The following DNASE1 variants were observed in gnomAD, a reference collection of about 807,000 sequenced individuals.
DNASE1 encodes deoxyribonuclease 1.
Under a neutral mutation model 33.9 loss-of-function variants are expected in DNASE1, and 40 were observed. That is an observed-to-expected ratio of 1.18 (90% CI 0.92 to 1.54). The LOEUF (loss-of-function observed/expected upper bound fraction) is 1.54, where lower values mean the gene tolerates loss of function less well. Ranked by LOEUF, DNASE1 falls within the 40% of genes most tolerant of loss-of-function variation. The probability of loss-of-function intolerance (pLI) is 0.00; values close to 1 mark genes in which losing one functional copy is unlikely to be tolerated. For missense variants in DNASE1, 518 were observed against 372.6 expected, an observed-to-expected ratio of 1.39 and a Z score of -3.21; for synonymous variants, 216 against 160.0, an observed-to-expected ratio of 1.35 and a Z score of -2.64.
intron 1 of DNASE1, among the ~76,000 whole-genome samples, chr16:3,623,464 A>G (rs531816428): frequency 6.6e-6 from 1 of 152,362 alleles, no homozygotes; most frequent in African/African-American, 2.4e-5. Flanking sequence ...ATGCAACAAG[A>G]AGAAAAATAG....
intron 1 of DNASE1, among the ~76,000 whole-genome samples, chr16:3,620,427 CCTGATCATAG>C (rs1372607779): frequency 7.9e-5 from 12 of 151,474 alleles, no homozygotes; most frequent in Non-Finnish European, 1.2e-4. Context: ...TGCAGCGTGG[CCTGATCATAG>C]CTCACTGTAA....
At chr16:3,621,373 T>G (rs991370729) in intron 1 of DNASE1, among the ~76,000 whole-genome samples, 3 of 152,196 alleles carry the variant, frequency 2.0e-5, no homozygotes, top group Non-Finnish European at 4.4e-5. Flanking sequence ...GAGCCATTGC[T>G]CTTGCCTGGT....
exon 10 of DNASE1, chr16:3,663,641 G>C (rs376961996): frequency 1.9e-6 from 3 of 1,582,176 alleles, no homozygotes; most frequent in Non-Finnish European, 2.6e-6. Context: ...GGCGGCAGGA[G>C]GGCTGGGGGA....
chr16:3,650,069 G>C (rs1437769167), upstream of DNASE1, among the ~76,000 whole-genome samples: 1 of 152,162 alleles, frequency 6.6e-6, no homozygotes, highest in Non-Finnish European at 1.5e-5. Context: ...GTTCCTACAA[G>C]TTTTGTTTAT....
Position 3,629,817 on chromosome 16 carries a change from TG to T in DNASE1, c.-1358-10897del, listed in dbSNP as rs562221290. ...TAGTCTTGGTAGGGGTTTTTTAATT[TG>T]TTTTTTTGTTTTTAAAACAGAGTCT... On this transcript the variant is annotated intron_variant and NMD_transcript_variant, in intron 1 of 11. Transcript: ENST00000570769. Among the ~76,000 whole-genome samples the T allele has an allele frequency of 2.1e-3, 316 of 152,276 alleles. 1 individual carries two copies. Among genetic ancestry groups the T allele is most frequent in the African/African-American group, 7.3e-3 (305 of 41,568 alleles).
At chr16:3,623,359 A>T (rs988114961) in intron 1 of DNASE1, among the ~76,000 whole-genome samples, 1 of 152,204 alleles carries the variant, frequency 6.6e-6, no homozygotes, top group African/African-American at 2.4e-5. Flanking sequence ...TAAACATAAG[A>T]CCTGAAACTC....
At chr16:3,642,329 G>A (rs374646154), upstream of DNASE1, among the ~76,000 whole-genome samples, 1 of 152,188 alleles carries the variant, frequency 6.6e-6, no homozygotes, top group South Asian at 2.1e-4. Flanking sequence ...TGTGTCACCC[G>A]TAGTTACTCC....
rs1444882250 is a variant in DNASE1 at position 3,654,942 on chromosome 16, CT to C, written c.-96del. The C allele has an allele frequency of 6.5e-6, 3 of 461,804 alleles. No individual in the cohort carries two copies. The highest frequency in any genetic ancestry group is 3.2e-5 in the East Asian group (1 of 30,846). 28.6% of individuals were successfully genotyped at this position (461,804 alleles called of 1,614,324 possible). A position where few individuals can be genotyped will look rare whatever the true frequency, so the allele number is the denominator to read the frequency against. ...TTCAGAGACCTTTCTTCATAGACTA[CT>C]TTTTTTTCTTTAAGCAGCAAAAGGA... On this transcript the variant is annotated 5_prime_UTR_variant, in exon 1 of 9. Transcript: ENST00000246949.
chr16:3,655,102 C>T lies in DNASE1; in HGVS notation c.-2+58C>T. The T allele has an allele frequency of 3.4e-6, 2 of 595,794 alleles. 1 individual carries two copies. The highest frequency in any genetic ancestry group is 4.1e-5 in the South Asian group (2 of 49,188). 36.9% of individuals were successfully genotyped at this position (595,794 alleles called of 1,614,324 possible). A position where few individuals can be genotyped will look rare whatever the true frequency, so the allele number is the denominator to read the frequency against. ...GGCCGGTTTGGAGCAGGGAGGGAGG[C>T]TTAGAGTCTCATCCTCCAGCAGCGA... On this transcript the variant is annotated intron_variant, in intron 1 of 8. Coordinates refer to ENST00000246949, the MANE Select transcript of DNASE1 (RefSeq NM_005223.4).
upstream of DNASE1, chr16:3,652,702 T>C (rs941309585): frequency 2.0e-5 from 3 of 152,442 alleles, no homozygotes; most frequent in Admixed American, 1.3e-4. Flanking sequence ...GCCAGTCTTG[T>C]GGAGGGTGGT....
chr16:3,643,537 A>C (rs916068945), intron 1 of DNASE1, among the ~76,000 whole-genome samples: 2 of 152,166 alleles, frequency 1.3e-5, no homozygotes, highest in Non-Finnish European at 2.9e-5. Context: ...ACTGCTGCCC[A>C]CCACGGAGCG....
At chr16:3,649,875 T>G (rs908062392), upstream of DNASE1, among the ~76,000 whole-genome samples, 2 of 151,856 alleles carry the variant, frequency 1.3e-5, no homozygotes, top group African/African-American at 4.8e-5. Context: ...TTCAAATGTG[T>G]GAGGAGCTGT....
exon 10 of DNASE1, chr16:3,664,722 G>A (rs983611339): frequency 3.0e-5 from 13 of 431,618 alleles, no homozygotes; most frequent in South Asian, 8.8e-5. Flanking sequence ...CGCGCACCAC[G>A]CCCTGGGAGG....
At chr16:3,659,973 C>G (rs536885649), downstream of DNASE1, 1 of 152,146 alleles carries the variant, frequency 6.6e-6, no homozygotes, top group South Asian at 2.1e-4. Flanking sequence ...GTGATCCACC[C>G]GCCTAGGCCT....
chr16:3,632,956 T>C (rs568087900), intron 1 of DNASE1, among the ~76,000 whole-genome samples: 17 of 152,306 alleles, frequency 1.1e-4, no homozygotes, highest in African/African-American at 3.4e-4. Flanking sequence ...CTTTTAACAT[T>C]TTTTGCAAGG....
At chr16:3,623,130 G>C (rs1183272381) in intron 1 of DNASE1, among the ~76,000 whole-genome samples, 1 of 152,150 alleles carries the variant, frequency 6.6e-6, no homozygotes, top group Non-Finnish European at 1.5e-5. Flanking sequence ...CATGGTACTT[G>C]TACATATTTT....
downstream of DNASE1, chr16:3,658,143 G>T (rs2042823454): frequency 1.2e-6 from 2 of 1,613,964 alleles, no homozygotes; most frequent in Admixed American, 1.7e-5. Flanking sequence ...TGTCGCTCCA[G>T]GGCCTTGACA....
At chr16:3,659,778 T>C (rs1389545592), downstream of DNASE1, 3 of 143,202 alleles carry the variant, frequency 2.1e-5, no homozygotes, top group Admixed American at 1.4e-4. Flanking sequence ...GATAGATAGA[T>C]AGACTCTCAC....
exon 10 of DNASE1, chr16:3,663,899 T>C (rs1247147015): frequency 2.8e-6 from 1 of 357,192 alleles, no homozygotes; most frequent in Non-Finnish European, 5.2e-6. Flanking sequence ...GCCGTCTCTA[T>C]TAAAAATACA....
Sources: gnomAD v4.1 joint callset for allele counts (sites outside exome capture counted in the v4.1 genomes callset) on GRCh38, gnomAD v4.1.1 for gene constraint, MANE v1.5 for transcripts, NCBI Gene and HGNC (gene_info 2026-07-23, HGNC 2026-07-21) for gene names.